The following HEMK2 variants were observed in gnomAD, a reference collection of about 807,000 sequenced individuals.
The protein encoded by HEMK2 is methyltransferase HEMK2.
At chr21:28,819,978 TCTGG>T in the HEMK2 span, among the ~76,000 whole-genome samples, 1 of 152,200 alleles carries the variant, frequency 6.6e-6, no homozygotes, top group East Asian at 1.9e-4. Flanking sequence ...GAAATATCAT[TCTGG>T]CTGTCAATTT....
At chr21:28,880,969 C>T in the HEMK2 span, among the ~76,000 whole-genome samples, 1 of 146,896 alleles carries the variant, frequency 6.8e-6, no homozygotes, top group Admixed American at 6.8e-5. Context: ...AGCTACCTAC[C>T]CTCGTCATTG....
At chr21:28,763,860 G>T in the HEMK2 span, among the ~76,000 whole-genome samples, 1 of 152,010 alleles carries the variant, frequency 6.6e-6, no homozygotes, top group East Asian at 1.9e-4. Flanking sequence ...GTGATCTCTG[G>T]CCATTGTAGC....
At chr21:28,629,645 C>A in the HEMK2 span, among the ~76,000 whole-genome samples, 2 of 152,144 alleles carry the variant, frequency 1.3e-5, no homozygotes, top group African/African-American at 2.4e-5. Flanking sequence ...ATTCTTAAAG[C>A]CTTAAAGACA....
At chr21:28,859,660 G>A in the HEMK2 span, among the ~76,000 whole-genome samples, 1 of 152,018 alleles carries the variant, frequency 6.6e-6, no homozygotes, top group South Asian at 2.1e-4. Flanking sequence ...ATTTATCTCT[G>A]ATAGTTATGG....
At chr21:28,872,541 C>G in the HEMK2 span, 1 of 152,252 alleles carries the variant, frequency 6.6e-6, no homozygotes. Flanking sequence ...TGTCACCTTT[C>G]TCTTTCATAG....
the HEMK2 span, among the ~76,000 whole-genome samples, chr21:28,697,846 A>G: frequency 1.0e-3 from 153 of 151,086 alleles, no homozygotes; most frequent in African/African-American, 3.6e-3. Context: ...TTTAGCTTAC[A>G]GTAATACAAA....
the HEMK2 span, among the ~76,000 whole-genome samples, chr21:28,827,390 A>G: frequency 6.6e-6 from 1 of 152,178 alleles, no homozygotes; most frequent in Admixed American, 6.6e-5. Flanking sequence ...TGGGAAAAAA[A>G]TAATTATTGC....
At chr21:28,718,357 G>C in the HEMK2 span, among the ~76,000 whole-genome samples, 32,149 of 152,052 alleles carry the variant, frequency 0.21, 3,712 homozygotes, top group Middle Eastern at 0.32. Flanking sequence ...CTTGATCTTA[G>C]AGTATGTTCC....
the HEMK2 span, among the ~76,000 whole-genome samples, chr21:28,773,305 T>C: frequency 3.9e-5 from 6 of 152,160 alleles, no homozygotes; most frequent in Admixed American, 1.3e-4. Context: ...GGATCTTCTG[T>C]ATTTACTTCA....
chr21:28,859,781 C>T, the HEMK2 span, among the ~76,000 whole-genome samples: 4 of 152,262 alleles, frequency 2.6e-5, no homozygotes, highest in South Asian at 2.1e-4. Flanking sequence ...AAACCTCAGG[C>T]TCACATCCCC....
chr21:28,721,352 G>T, the HEMK2 span, among the ~76,000 whole-genome samples: 1 of 151,864 alleles, frequency 6.6e-6, no homozygotes, highest in Non-Finnish European at 1.5e-5. Context: ...TGGGCTCAAG[G>T]TATCCTCCCA....
the HEMK2 span, among the ~76,000 whole-genome samples, chr21:28,602,566 A>G: frequency 6.6e-6 from 1 of 152,182 alleles, no homozygotes; most frequent in Non-Finnish European, 1.5e-5. Flanking sequence ...TGAATGCACA[A>G]TTGTAACTGC....
At chr21:28,828,690 C>T in the HEMK2 span, among the ~76,000 whole-genome samples, 2 of 152,162 alleles carry the variant, frequency 1.3e-5, no homozygotes, top group African/African-American at 4.8e-5. Flanking sequence ...AAAATGTTCC[C>T]TTTCTTCCAG....
the HEMK2 span, among the ~76,000 whole-genome samples, chr21:28,776,273 T>C: frequency 1.3e-5 from 2 of 152,232 alleles, no homozygotes; most frequent in African/African-American, 2.4e-5. Context: ...GTGCCTTCTA[T>C]AGGCAACCCA....
the HEMK2 span, among the ~76,000 whole-genome samples, chr21:28,712,418 A>G: frequency 6.6e-5 from 10 of 152,226 alleles, no homozygotes; most frequent in Non-Finnish European, 1.3e-4. Context: ...GCTGATGTGA[A>G]CAATTTAACT....
At chr21:28,682,912 G>A in the HEMK2 span, among the ~76,000 whole-genome samples, 2 of 152,138 alleles carry the variant, frequency 1.3e-5, no homozygotes, top group East Asian at 1.9e-4. Flanking sequence ...AGGGGGAGCG[G>A]GGAGGGATAG....
At chr21:28,813,384 A>G in the HEMK2 span, among the ~76,000 whole-genome samples, 1 of 152,082 alleles carries the variant, frequency 6.6e-6, no homozygotes, top group Admixed American at 6.5e-5. Context: ...ACCTAGGAAT[A>G]CAACTTACAA....
the HEMK2 span, among the ~76,000 whole-genome samples, chr21:28,729,527 C>T: frequency 6.6e-6 from 1 of 151,752 alleles, no homozygotes; most frequent in Non-Finnish European, 1.5e-5. Context: ...GCAGAAATGT[C>T]TACGGCAGGG....
chr21:28,876,857 G>T, the HEMK2 span, among the ~76,000 whole-genome samples: 1 of 152,036 alleles, frequency 6.6e-6, no homozygotes, highest in Non-Finnish European at 1.5e-5. Flanking sequence ...CAATGAAGGT[G>T]TGGACAAACT....
Sources: allele counts gnomAD v4.1 joint callset (sites outside exome capture counted in the v4.1 genomes callset), GRCh38; gene constraint gnomAD v4.1.1; transcripts MANE v1.5; gene names NCBI Gene and HGNC (gene_info 2026-07-23, HGNC 2026-07-21).